DHX29: variants seen among roughly 807,000 people sequenced by gnomAD.
DHX29 encodes the protein DExH-box helicase 29, also known as ATP-dependent RNA helicase DHX29.
In DHX29, 79 loss-of-function variants were observed where a neutral mutation model predicts 167.9. The observed-to-expected ratio is 0.47, with a 90% CI of 0.39 to 0.57. The LOEUF is 0.57. Among genes scored for constraint, DHX29 ranks in the 20% least tolerant of loss-of-function variants. The pLI is 0.00. For missense variants in DHX29, 1,347 were observed against 1,593.4 expected (o/e 0.85, Z 2.63); for synonymous variants, 530 against 546.0 (o/e 0.97, Z 0.41).
At chr5:55,262,974 T>A (rs756425098) in intron 23 of DHX29, 42 bp from the exon 24 acceptor site, 1 of 1,424,660 alleles carries the variant, frequency 7.0e-7, no homozygotes. Flanking sequence ...TCAAATTGAT[T>A]AGAGGAATTT....
At chr5:55,276,531 A>AG in intron 13 of DHX29, 125 bp from the exon 14 acceptor site, 1 of 747,092 alleles carries the variant, frequency 1.3e-6, no homozygotes, top group Non-Finnish European at 2.1e-6. Context: ...TTATGAAAAA[A>AG]AATTTTTAGT....
At chr5:55,280,817 C>T (rs1345028570) in intron 12 of DHX29, among the ~76,000 whole-genome samples, 1 of 152,112 alleles carries the variant, frequency 6.6e-6, no homozygotes, top group Non-Finnish European at 1.5e-5. Context: ...TATCGTTCCC[C>T]TTAACTACTC....
rs758067441 is a variant in DHX29 at position 55,285,420 on chromosome 5, C to T, written c.1233-4G>A. 6.3e-7 allele frequency: 1 copy of T among 1,592,096 alleles called. No homozygotes were observed. Among genetic ancestry groups the T allele is most frequent in the Admixed American group, 1.8e-5 (1 of 55,774 alleles). The stretch of plus-strand genomic sequence containing the variant: ...TTCAGACTTGATTACCCTAACCCTA[C>T]AAAGAAGCAAACGCATTTTAAAAAA... On this transcript the variant is annotated splice_polypyrimidine_tract_variant and splice_region_variant and intron_variant, in intron 9 of 26. Transcript: ENST00000251636.
intron 26 of DHX29, among the ~76,000 whole-genome samples, chr5:55,258,728 T>A (rs1382584432): frequency 6.6e-6 from 1 of 152,110 alleles, no homozygotes; most frequent in African/African-American, 2.4e-5. Flanking sequence ...CTTTTTTTAA[T>A]TGTTTGTAGA....
At chr5:55,303,330 G>A (rs1748700837) in intron 1 of DHX29, among the ~76,000 whole-genome samples, 1 of 152,158 alleles carries the variant, frequency 6.6e-6, no homozygotes, top group African/African-American at 2.4e-5. Context: ...CAGGGACTCT[G>A]GTGGTAAACA....
rs754680163 is a variant in DHX29, at chr5:55,277,296, G to A, written c.2110-14C>T. 3.2e-6 allele frequency: 5 copies of A among 1,563,760 alleles called. No homozygotes were observed. The highest frequency in any genetic ancestry group is 4.4e-6 in the Non-Finnish European group (5 of 1,149,372). The stretch of plus-strand genomic sequence containing the variant: ...TCTTTCATGAACCTAGTTTTAAAAA[G>A]GGAATAAAAAAGTTCATCATATATT... On this transcript the variant is annotated splice_polypyrimidine_tract_variant and intron_variant, in intron 12 of 26. Coordinates refer to ENST00000251636, the MANE Select transcript of DHX29 (RefSeq NM_019030.4).
In DHX29 at chr5:55,274,731, T is replaced by A; in HGVS notation, c.2573A>T (p.Asp858Val). Reference protein sequence around the residue: ...DLILELLAYLDKSPQFRNIEG... With the variant: ...DLILELLAYLVKSPQFRNIEG... ...AATATTTCTGAATTGGGGACTTTTA[T>A]CTGAAATTTTTAAAAAGATACAATA... The change falls in exon 16 of 27, where the codon GAT (aspartate) becomes GTT (valine). Residue 858 changes from aspartate to valine, a missense_variant and splice_region_variant. Coordinates refer to ENST00000251636, the MANE Select transcript of DHX29 (RefSeq NM_019030.4). The A allele has an allele frequency of 6.3e-7, 1 of 1,581,176 alleles. No homozygotes were observed. The highest frequency in any genetic ancestry group is 8.5e-7 in the Non-Finnish European group (1 of 1,169,624).
chr5:55,260,731 T>C (rs983635089), intron 25 of DHX29, among the ~76,000 whole-genome samples: 7 of 152,228 alleles, frequency 4.6e-5, no homozygotes, highest in Non-Finnish European at 1.0e-4. Context: ...ACAGCTATCA[T>C]AGAATAACCT....
At chr5:55,291,765 A>G (rs1301493572) in intron 6 of DHX29, among the ~76,000 whole-genome samples, 1 of 152,252 alleles carries the variant, frequency 6.6e-6, no homozygotes, top group East Asian at 1.9e-4. Context: ...AAGTGAAATC[A>G]TATGGTATCT....
In DHX29 at chr5:55,262,625, T is replaced by C; in HGVS notation, c.3828+5A>G. On this transcript the variant is annotated splice_donor_5th_base_variant and intron_variant, in intron 24 of 26. Transcript: ENST00000251636. Reference sequence around the variant, plus strand: ...AATACTGGAATTTAGGAATGAGTACTTCACCTTCTCCTGGTATAAGAGCCA... The same window carrying C: ...AATACTGGAATTTAGGAATGAGTACCTCACCTTCTCCTGGTATAAGAGCCA... 1 of 1,613,524 alleles carries C rather than the reference T, an allele frequency of 6.2e-7. No individual in the cohort carries two copies. The highest frequency in any genetic ancestry group is 8.5e-7 in the Non-Finnish European group (1 of 1,179,594).
chr5:55,286,284 G>A (rs748701516), intron 8 of DHX29, among the ~76,000 whole-genome samples: 8 of 151,342 alleles, frequency 5.3e-5, no homozygotes, highest in Non-Finnish European at 1.0e-4. Flanking sequence ...GGTGAAGAAA[G>A]GGCAAATAGA....
At chr5:55,285,447 T>C (rs1747671356) in intron 9 of DHX29, 31 bp from the exon 10 acceptor site, 1 of 1,564,292 alleles carries the variant, frequency 6.4e-7, no homozygotes, top group African/African-American at 1.4e-5. Flanking sequence ...TTTAAAAAAA[T>C]AAAGTTGACA....
intron 8 of DHX29, among the ~76,000 whole-genome samples, chr5:55,288,381 T>C (rs1261370716): frequency 2.6e-5 from 4 of 151,510 alleles, no homozygotes; most frequent in African/African-American, 4.8e-5. Flanking sequence ...CTATATGTTA[T>C]ACTATTTACT....
Position 55,281,364 on chromosome 5 carries a change from C to CCACT in DHX29, c.2109+4_2109+7dup. 1 of 1,559,950 alleles carries CCACT rather than the reference C, an allele frequency of 6.4e-7. No individual in the cohort carries two copies. The highest frequency in any genetic ancestry group is 8.7e-7 in the Non-Finnish European group (1 of 1,155,112). On this transcript the variant is annotated splice_region_variant and intron_variant, in intron 12 of 26. Transcript: ENST00000251636. ...AAATTTTTGAATACAACTATAGAATCCACTCACCTCATCTACAATAACATG... is the reference window on the plus strand; with the variant it reads ...AAATTTTTGAATACAACTATAGAATCCACTCACTCACCTCATCTACAATAACATG...
Position 55,262,808 on chromosome 5 carries a change from T to C in DHX29, c.3650A>G (p.Lys1217Arg). The C allele has an allele frequency of 6.2e-7, 1 of 1,614,098 alleles. No homozygotes were observed. The highest frequency in any genetic ancestry group is 2.2e-5 in the East Asian group (1 of 44,874). Residue 1217 changes from lysine (K) to arginine (R), a missense_variant, in exon 24 of 27, where the codon AAA (lysine) becomes AGA (arginine). Around this residue, in one of 3 missense-constraint regions of DHX29, gnomAD observed 882 missense variants for 1,082.4 expected, o/e 0.81. Transcript: ENST00000251636. ...TLSFQEIALL[K>R]AVLVAGLYDN... ...ATACAGTCCAGCCACCAGTACAGCT[T>C]TAAGAAGGGCAATTTCTTGGAATGA...
chr5:55,284,457 A>C (rs1322527818), intron 10 of DHX29, among the ~76,000 whole-genome samples: 1 of 152,220 alleles, frequency 6.6e-6, no homozygotes, highest in African/African-American at 2.4e-5. Context: ...TATCAAGCAA[A>C]TAGTTCATAG....
chr5:55,296,202 T>C lies in DHX29; in HGVS notation c.505+18A>G. ...TCAAAAGGTTTAGAAACTGAAAGAATTTAATGATATTGTTTACCATCTGAA... is the reference window on the plus strand; with the variant it reads ...TCAAAAGGTTTAGAAACTGAAAGAACTTAATGATATTGTTTACCATCTGAA... On this transcript the variant is annotated intron_variant, in intron 4 of 26. Transcript: ENST00000251636. 6.3e-7 allele frequency: 1 copy of C among 1,594,982 alleles called. No individual in the cohort carries two copies. Among genetic ancestry groups the C allele is most frequent in the Non-Finnish European group, 8.5e-7 (1 of 1,172,670 alleles).
rs148059578 is a variant in DHX29 at position 55,306,923 on chromosome 5, G to A, written c.187+464C>T. Among the ~76,000 whole-genome samples the A allele has an allele frequency of 5.4e-3, 829 of 152,264 alleles. 3 individuals carry two copies. The highest frequency in any genetic ancestry group is 8.8e-3 in the Non-Finnish European group (597 of 68,026). On this transcript the variant is annotated intron_variant, in intron 1 of 26. Transcript: ENST00000251636. Reference sequence around the variant, plus strand: ...AGTGTGTAACCAGTGTGTAAGTCCTGTAATTTTTATTAAGTATTGATTTTT... The same window carrying A: ...AGTGTGTAACCAGTGTGTAAGTCCTATAATTTTTATTAAGTATTGATTTTT...
chr5:55,280,203 A>G (rs371801049), intron 12 of DHX29, among the ~76,000 whole-genome samples: 18 of 152,144 alleles, frequency 1.2e-4, no homozygotes, highest in African/African-American at 4.3e-4. Flanking sequence ...TGTAGTGTCT[A>G]AGAGGTTGAT....
Sources: allele counts gnomAD v4.1 joint callset (sites outside exome capture counted in the v4.1 genomes callset), GRCh38; gene constraint gnomAD v4.1.1; regional missense constraint gnomAD v4.1.1; transcripts MANE v1.5; gene names NCBI Gene and HGNC (gene_info 2026-07-23, HGNC 2026-07-21).